SYTL5: variants seen among roughly 807,000 people sequenced by gnomAD.
SYTL5 encodes synaptotagmin like 5.
A neutral mutation model predicts 55.9 loss-of-function variants in SYTL5; 34 were observed. The observed-to-expected ratio is 0.61, with a 90% confidence interval of 0.46 to 0.81. The LOEUF is 0.81. SYTL5 is among the 30% of genes least tolerant of loss of function. SYTL5 has a pLI of 0.00. For missense variants in SYTL5, 637 were observed against 546.7 expected (o/e 1.17, Z -1.65); for synonymous variants, 221 against 188.7 (o/e 1.17, Z -1.40).
intron 11 of SYTL5, 103 bp downstream of exon 11, chrX:38,106,874 C>T (rs1937231744): frequency 4.4e-6 from 3 of 683,670 alleles, no homozygotes; most frequent in African/African-American, 2.2e-5. Context: ...TTGATTCAGT[C>T]TTCTCAGAGA....
At chrX:38,050,870 G>A (rs1935605101) in intron 2 of SYTL5, among the ~76,000 whole-genome samples, 1 of 112,151 alleles carries the variant, frequency 8.9e-6, no homozygotes. Flanking sequence ...AGAAAAGGGT[G>A]TGTGGTGAAC....
intron 5 of SYTL5, among the ~76,000 whole-genome samples, chrX:38,075,336 G>A (rs754697180): frequency 1.8e-5 from 2 of 111,953 alleles, no homozygotes; most frequent in African/African-American, 6.5e-5. Flanking sequence ...GAAAATTTAA[G>A]ATGGCAATGT....
intron 3 of SYTL5, among the ~76,000 whole-genome samples, chrX:38,066,612 C>T (rs1602361549): frequency 9.0e-6 from 1 of 110,741 alleles, no homozygotes; most frequent in African/African-American, 3.3e-5. Context: ...TCTTTTACCC[C>T]TTCTGTATTC....
chrX:38,097,777 CTT>C (rs1936973964), intron 9 of SYTL5, among the ~76,000 whole-genome samples: 1 of 108,396 alleles, frequency 9.2e-6, no homozygotes, highest in Non-Finnish European at 1.9e-5. Flanking sequence ...AGTTGGAAGA[CTT>C]ATACTACTAG....
At chrX:37,992,310 T>C in the SYTL5 span, among the ~76,000 whole-genome samples, 1 of 112,618 alleles carries the variant, frequency 8.9e-6, no homozygotes, top group Non-Finnish European at 1.9e-5. Context: ...GTGCCCACAT[T>C]TTAGGTTTCC....
At chrX:37,981,997 C>A in the SYTL5 span, among the ~76,000 whole-genome samples, 1 of 112,016 alleles carries the variant, frequency 8.9e-6, no homozygotes, top group Non-Finnish European at 1.9e-5. Context: ...TTTCTGATTT[C>A]CAACACAAAA....
At chrX:37,960,972 A>G in the SYTL5 span, among the ~76,000 whole-genome samples, 2 of 107,789 alleles carry the variant, frequency 1.9e-5, no homozygotes, top group Non-Finnish European at 3.8e-5. Context: ...ATTTTTTTGT[A>G]TTTTTAGTAG....
chrX:38,035,877 G>A (rs1435637289), intron 2 of SYTL5, among the ~76,000 whole-genome samples: 1 of 111,417 alleles, frequency 9.0e-6, no homozygotes, highest in East Asian at 2.8e-4. Context: ...CCTGGTGACA[G>A]AGTGAGACTC....
the SYTL5 span, among the ~76,000 whole-genome samples, chrX:37,926,138 G>C: frequency 3.6e-5 from 4 of 111,753 alleles, no homozygotes; most frequent in Non-Finnish European, 7.5e-5. Context: ...TGGATCAAAT[G>C]GTAGCTGGAT....
At chrX:38,094,224 A>G in intron 7 of SYTL5, 71 bp from the exon 8 acceptor site, 1 of 987,943 alleles carries the variant, frequency 1.0e-6, no homozygotes, top group Non-Finnish European at 1.4e-6. Flanking sequence ...ACTGAAGTAT[A>G]TTTATGTAGA....
At chrX:38,118,714 A>G (rs1425328213) in intron 13 of SYTL5, among the ~76,000 whole-genome samples, 2 of 110,921 alleles carry the variant, frequency 1.8e-5, no homozygotes, top group African/African-American at 6.6e-5. Flanking sequence ...ATTTTCCCCA[A>G]TGGTAACCTA....
chrX:38,126,748 G>A lies in SYTL5; in HGVS notation c.*18G>A. 8.3e-7 allele frequency: 1 copy of A among 1,199,080 alleles called. No homozygotes were observed. Among genetic ancestry groups the A allele is most frequent in the South Asian group, 1.8e-5 (1 of 54,791 alleles). On this transcript the variant is annotated 3_prime_UTR_variant, in exon 17 of 17. Coordinates refer to ENST00000297875, the MANE Select transcript of SYTL5 (RefSeq NM_138780.3). ...GGCTCTAAAGGGACCAGTTCTCCAA[G>A]AATGAGGCCACCAGGACCTATCTGG...
chrX:38,030,989 G>GT (rs1555922375), intron 1 of SYTL5, among the ~76,000 whole-genome samples: 7 of 110,879 alleles, frequency 6.3e-5, no homozygotes, highest in Non-Finnish European at 1.3e-4. Flanking sequence ...TTTTGTTTTT[G>GT]TTTTTTTTAG....
intron 1 of SYTL5, among the ~76,000 whole-genome samples, chrX:38,023,493 C>T (rs186770234): frequency 8.9e-6 from 1 of 111,936 alleles, no homozygotes; most frequent in East Asian, 2.8e-4. Flanking sequence ...ATGTATTATC[C>T]TGTGCCTTTT....
chrX:37,991,757 C>A, the SYTL5 span, among the ~76,000 whole-genome samples: 3 of 111,753 alleles, frequency 2.7e-5, no homozygotes, highest in Non-Finnish European at 5.6e-5. Flanking sequence ...GGGACAGGGG[C>A]TTTACATGGA....
In SYTL5 at chrX:38,073,696, G is replaced by A. The variant is rs1379647243; in HGVS notation, c.552G>A (p.Lys184=). Residue 184 remains lysine, a splice_region_variant and synonymous_variant, in exon 5 of 17, where the codon AAG becomes AAA. Transcript: ENST00000297875. ...KKASHDGPKR[K]GFLLSKFRSA... Reference sequence around the variant, plus strand: ...CCAGCCATGATGGGCCCAAGAGAAAGGGGTAAGACATGGTCTTTCTGAGGG... The same window carrying A: ...CCAGCCATGATGGGCCCAAGAGAAAAGGGTAAGACATGGTCTTTCTGAGGG... 1 of 1,161,037 alleles carries A rather than the reference G, an allele frequency of 8.6e-7. No individual in the cohort carries two copies. Among genetic ancestry groups the A allele is most frequent in the Admixed American group, 2.4e-5 (1 of 42,174 alleles).
chrX:37,967,094 C>G, the SYTL5 span, among the ~76,000 whole-genome samples: 15 of 111,588 alleles, frequency 1.3e-4, no homozygotes, highest in Non-Finnish European at 2.6e-4. Context: ...CTCTGTCGCC[C>G]AGGCTGGAGT....
At chrX:38,058,566 G>A (rs911880331) in intron 3 of SYTL5, among the ~76,000 whole-genome samples, 2 of 110,098 alleles carry the variant, frequency 1.8e-5, no homozygotes, top group African/African-American at 6.6e-5. Flanking sequence ...TTTCAAATGT[G>A]TTTGCACTGC....
chrX:38,065,669 C>A (rs1377613170), intron 3 of SYTL5, among the ~76,000 whole-genome samples: 1 of 112,148 alleles, frequency 8.9e-6, no homozygotes, highest in African/African-American at 3.2e-5. Flanking sequence ...TTTCTTTTCA[C>A]TTTTCCTGCT....
Sources: allele counts gnomAD v4.1 joint callset (sites outside exome capture counted in the v4.1 genomes callset), GRCh38; gene constraint gnomAD v4.1.1; transcripts MANE v1.5; gene names NCBI Gene and HGNC (gene_info 2026-07-23, HGNC 2026-07-21).